ATIC: variants seen among roughly 807,000 people sequenced by gnomAD.
The protein encoded by ATIC is bifunctional purine biosynthesis protein ATIC.
Under a neutral mutation model 72.5 loss-of-function variants are expected in ATIC, and 64 were observed. The ratio of observed to expected loss-of-function variants is 0.88; its 90% CI spans 0.72 to 1.09. The LOEUF is 1.09. ATIC is among the 50% of genes least tolerant of loss of function. The pLI, the probability that ATIC is intolerant of heterozygous loss-of-function variation, is 0.00. For missense variants in ATIC, 787 were observed against 732.4 expected (o/e 1.07, Z -0.86); for synonymous variants, 281 against 267.1 (o/e 1.05, Z -0.51).
chr2:215,313,962 C>A (rs546218426), intron 2 of ATIC, among the ~76,000 whole-genome samples: 1 of 152,058 alleles, frequency 6.6e-6, no homozygotes, highest in Admixed American at 6.6e-5. Flanking sequence ...ATGGAACCTT[C>A]GTAAAGCAAA....
chr2:215,314,838 G>A (rs2052692299), intron 2 of ATIC, among the ~76,000 whole-genome samples: 1 of 152,114 alleles, frequency 6.6e-6, no homozygotes, highest in Non-Finnish European at 1.5e-5. Flanking sequence ...GCTCTCCATC[G>A]TAAACGTCAC....
intron 4 of ATIC, 49 bp downstream of exon 4, chr2:215,319,780 G>C: frequency 7.0e-7 from 1 of 1,433,826 alleles, no homozygotes. Flanking sequence ...CAACGACAAA[G>C]ACTATGCCAA....
intron 1 of ATIC, 52 bp from the exon 2 acceptor site, chr2:215,312,446 G>T: frequency 6.2e-7 from 1 of 1,614,048 alleles, no homozygotes; most frequent in South Asian, 1.1e-5. Context: ...AGGCCTTGCA[G>T]AACACAGTGC....
In ATIC at chr2:215,344,775, T is replaced by C; in HGVS notation, c.1228-4T>C. 1 of 1,613,578 alleles carries C rather than the reference T, an allele frequency of 6.2e-7. No homozygotes were observed. The highest frequency in any genetic ancestry group is 8.5e-7 in the Non-Finnish European group (1 of 1,179,602). The stretch of plus-strand genomic sequence containing the variant: ...TGCAATTTACCATTGTGTATGTGTT[T>C]CAGTTGCCAGAGTCTGCCCTCCGAG... On this transcript the variant is annotated splice_polypyrimidine_tract_variant and splice_region_variant and intron_variant, in intron 12 of 15. Transcript: ENST00000236959.
At chr2:215,355,536 C>T in the ATIC span, among the ~76,000 whole-genome samples, 1 of 152,170 alleles carries the variant, frequency 6.6e-6, no homozygotes, top group African/African-American at 2.4e-5. Flanking sequence ...TTCTAAAGCC[C>T]AGCCTATGTC....
downstream of ATIC, among the ~76,000 whole-genome samples, chr2:215,354,656 A>G (rs948202960): frequency 3.9e-5 from 6 of 151,946 alleles, no homozygotes; most frequent in Admixed American, 2.6e-4. Context: ...TGTCCTGTCT[A>G]TTGAGCCCTT....
the ATIC span, among the ~76,000 whole-genome samples, chr2:215,368,448 C>T: frequency 2.0e-5 from 3 of 151,980 alleles, no homozygotes; most frequent in Non-Finnish European, 2.9e-5. Flanking sequence ...GCAATACTAG[C>T]GTAATAATAA....
Position 215,335,016 on chromosome 2 carries a change from T to C in ATIC, c.1008+12T>C, listed in dbSNP as rs1291646207. 1.9e-6 allele frequency: 3 copies of C among 1,588,270 alleles called. No individual in the cohort carries two copies. In the African/African-American group the frequency reaches 4.0e-5, roughly 21 times the overall value. ...TTATTTCCAGAGAAGTTAGTGGACATTCATGTATCTTAATCTGTGTGTTGA... is the reference window on the plus strand; with the variant it reads ...TTATTTCCAGAGAAGTTAGTGGACACTCATGTATCTTAATCTGTGTGTTGA... On this transcript the variant is annotated intron_variant, in intron 10 of 15. Transcript: ENST00000236959.
chr2:215,364,963 A>G, the ATIC span: 24 of 1,579,726 alleles, frequency 1.5e-5, no homozygotes, highest in Non-Finnish European at 1.9e-5. Flanking sequence ...ATGTCTTCCC[A>G]TCATCATAAC....
chr2:215,364,002 C>A, the ATIC span, among the ~76,000 whole-genome samples: 1 of 152,210 alleles, frequency 6.6e-6, no homozygotes, highest in Non-Finnish European at 1.5e-5. Context: ...GGGTGTGTCT[C>A]TCTGCTTTCT....
intron 14 of ATIC, chr2:215,348,638 C>T: frequency 2.3e-6 from 1 of 427,510 alleles, no homozygotes; most frequent in Non-Finnish European, 4.6e-6. Flanking sequence ...GATATGTGAA[C>T]TTCCATGTAA....
At chr2:215,322,089 G>A (rs1287904287) in intron 4 of ATIC, among the ~76,000 whole-genome samples, 1 of 147,534 alleles carries the variant, frequency 6.8e-6, no homozygotes, top group African/African-American at 2.7e-5. Context: ...TTTTAATAGA[G>A]ATAGGGTTTC....
intron 13 of ATIC, 126 bp downstream of exon 13, chr2:215,344,997 T>C: frequency 9.7e-7 from 1 of 1,029,578 alleles, no homozygotes; most frequent in Non-Finnish European, 1.5e-6. Flanking sequence ...TCTTTTGTGT[T>C]TGTCAGTGTT....
chr2:215,367,796 C>T, the ATIC span: 28 of 1,501,622 alleles, frequency 1.9e-5, no homozygotes, highest in Admixed American at 2.4e-4. Flanking sequence ...GCTTCCTTGG[C>T]ACATGAGTGC....
At chr2:215,330,090 G>C (rs1324194582) in intron 7 of ATIC, among the ~76,000 whole-genome samples, 1 of 152,194 alleles carries the variant, frequency 6.6e-6, no homozygotes, top group Non-Finnish European at 1.5e-5. Flanking sequence ...AGATGTTTCA[G>C]AAACCAAAAG....
intron 4 of ATIC, among the ~76,000 whole-genome samples, chr2:215,320,679 A>G (rs1337955439): frequency 6.6e-6 from 1 of 152,166 alleles, no homozygotes; most frequent in Non-Finnish European, 1.5e-5. Flanking sequence ...TCCTGTGTTC[A>G]AGTGATTCTC....
rs911528712 is a variant in ATIC at position 215,339,511 on chromosome 2, A to G, written c.1227+604A>G. 2.4e-4 allele frequency among the ~76,000 whole-genome samples: 36 copies of G among 152,194 alleles called. 1 individual carries two copies. Among genetic ancestry groups the G allele is most frequent in the Admixed American group, 8.5e-4 (13 of 15,282 alleles). ...TCTCTGGGTGACAGAACAAGATCCTATCTCGAAAATAAATGCATATTCATA... is the reference window on the plus strand; with the variant it reads ...TCTCTGGGTGACAGAACAAGATCCTGTCTCGAAAATAAATGCATATTCATA... On this transcript the variant is annotated intron_variant, in intron 12 of 15. Coordinates refer to ENST00000236959, the MANE Select transcript of ATIC (RefSeq NM_004044.7).
the ATIC span, chr2:215,362,082 G>C: frequency 6.2e-7 from 1 of 1,610,102 alleles, no homozygotes; most frequent in Non-Finnish European, 8.5e-7. Context: ...CGCCAGCCCT[G>C]AGAGAGTAGA....
chr2:215,351,417 T>G (rs1383553989), downstream of ATIC, among the ~76,000 whole-genome samples: 1 of 152,180 alleles, frequency 6.6e-6, no homozygotes, highest in Non-Finnish European at 1.5e-5. Context: ...AAGTGTGTGT[T>G]GTCTTTTTCA....
Sources: allele counts gnomAD v4.1 joint callset (sites outside exome capture counted in the v4.1 genomes callset), GRCh38; gene constraint gnomAD v4.1.1; transcripts MANE v1.5; gene names NCBI Gene and HGNC (gene_info 2026-07-23, HGNC 2026-07-21).